FHIT: variants seen among roughly 807,000 people sequenced by gnomAD.
The protein encoded by FHIT is bis(5'-adenosyl)-triphosphatase.
Under a neutral mutation model 17.9 loss-of-function variants are expected in FHIT, and 19 were observed. That is an observed-to-expected ratio of 1.06 (90% CI 0.74 to 1.56). FHIT has a LOEUF of 1.56. FHIT is among the 40% of genes most tolerant of loss of function. The pLI is 0.00. For missense variants in FHIT, 248 were observed against 189.2 expected (o/e 1.31, Z -1.82); for synonymous variants, 81 against 69.7 (o/e 1.16, Z -0.81).
chr3:60,929,124 T>C (rs1358945465), intron 3 of FHIT, among the ~76,000 whole-genome samples: 1 of 152,188 alleles, frequency 6.6e-6, no homozygotes, highest in Non-Finnish European at 1.5e-5. Context: ...CACATGATTA[T>C]CTCAATAGAT....
chr3:60,321,517 T>C (rs1240876348), intron 5 of FHIT, among the ~76,000 whole-genome samples: 1 of 152,130 alleles, frequency 6.6e-6, no homozygotes, highest in Non-Finnish European at 1.5e-5. Flanking sequence ...AAAGGTTATC[T>C]TCACTTAAGA....
chr3:60,009,229 G>GCA (rs1559544971), intron 7 of FHIT, among the ~76,000 whole-genome samples: 9 of 124,958 alleles, frequency 7.2e-5, no homozygotes, highest in African/African-American at 3.1e-4. Flanking sequence ...GTGTGTGTGT[G>GCA]TATGGTGGTT....
intron 4 of FHIT, among the ~76,000 whole-genome samples, chr3:60,625,239 G>A (rs1451550950): frequency 1.3e-5 from 2 of 152,168 alleles, no homozygotes; most frequent in African/African-American, 2.4e-5. Context: ...ATTTAATGTT[G>A]CTATGAACAT....
intron 2 of FHIT, among the ~76,000 whole-genome samples, chr3:61,119,757 T>C (rs547224661): frequency 1.1e-4 from 17 of 152,342 alleles, no homozygotes; most frequent in Admixed American, 3.3e-4. Flanking sequence ...CTCTCTCTTA[T>C]GGAGCAGGGA....
intron 5 of FHIT, among the ~76,000 whole-genome samples, chr3:60,109,432 C>T (rs1028057097): frequency 4.1e-5 from 6 of 147,448 alleles, no homozygotes; most frequent in Non-Finnish European, 5.9e-5. Flanking sequence ...TCTTAGGGAA[C>T]GGAAAAAAAA....
chr3:60,718,786 A>G (rs1272922772), intron 4 of FHIT, among the ~76,000 whole-genome samples: 3 of 152,250 alleles, frequency 2.0e-5, no homozygotes, highest in Non-Finnish European at 4.4e-5. Flanking sequence ...CTCATGAGTT[A>G]TATAGAATTA....
intron 5 of FHIT, among the ~76,000 whole-genome samples, chr3:60,073,669 CG>C (rs534075755): frequency 5.7e-4 from 87 of 152,184 alleles, no homozygotes; most frequent in African/African-American, 2.0e-3. Flanking sequence ...CATGATCTAC[CG>C]AAGTCACCCT....
intron 5 of FHIT, among the ~76,000 whole-genome samples, chr3:60,488,408 A>G (rs1019946594): frequency 6.6e-6 from 1 of 152,170 alleles, no homozygotes; most frequent in East Asian, 1.9e-4. Context: ...CTTGTATCTG[A>G]TTCCAAGTAA....
intron 3 of FHIT, among the ~76,000 whole-genome samples, chr3:60,873,698 C>T (rs1704519402): frequency 1.3e-5 from 2 of 152,190 alleles, no homozygotes; most frequent in African/African-American, 4.8e-5. Flanking sequence ...TGGCTGATAG[C>T]TGTAAAGTCC....
chr3:60,013,858 T>G, intron 6 of FHIT, 149 bp downstream of exon 6: 3 of 749,566 alleles, frequency 4.0e-6, no homozygotes, highest in Non-Finnish European at 6.6e-6. Context: ...GACAGTAGGG[T>G]TGCCCTGCAT....
At chr3:59,855,786 G>GC (rs1702129339) in intron 8 of FHIT, among the ~76,000 whole-genome samples, 1 of 144,612 alleles carries the variant, frequency 6.9e-6, no homozygotes, top group Non-Finnish European at 1.5e-5. Flanking sequence ...ACCTTTTTTT[G>GC]TTTTTTTTTT....
At chr3:60,642,459 A>G (rs370916545) in intron 4 of FHIT, among the ~76,000 whole-genome samples, 37 of 152,212 alleles carry the variant, frequency 2.4e-4, no homozygotes, top group Middle Eastern at 6.8e-3. Context: ...ACAATGAATG[A>G]TAACAGATTC....
chr3:60,261,393 G>T (rs10510835), intron 5 of FHIT, among the ~76,000 whole-genome samples: 26,158 of 151,882 alleles, frequency 0.17, 2,749 homozygotes, highest in Middle Eastern at 0.29. Flanking sequence ...TTTCAGAGAC[G>T]GTGAGTATTA....
chr3:60,484,385 A>C (rs1353117889), intron 5 of FHIT, among the ~76,000 whole-genome samples: 4 of 152,198 alleles, frequency 2.6e-5, no homozygotes, highest in Non-Finnish European at 5.9e-5. Flanking sequence ...AAAAAGAATA[A>C]AGCTGGAGGT....
chr3:60,111,271 C>A (rs186245357), intron 5 of FHIT, among the ~76,000 whole-genome samples: 2 of 152,176 alleles, frequency 1.3e-5, no homozygotes, highest in Non-Finnish European at 2.9e-5. Context: ...TATAAGGATA[C>A]AGTCCTGTAT....
chr3:61,216,218 C>G (rs145327770), intron 1 of FHIT, among the ~76,000 whole-genome samples: 67 of 152,104 alleles, frequency 4.4e-4, no homozygotes, highest in African/African-American at 1.2e-3. Flanking sequence ...CCTACAGAAT[C>G]GGAGAAAATG....
intron 5 of FHIT, among the ~76,000 whole-genome samples, chr3:60,516,535 C>A (rs1484321720): frequency 6.6e-6 from 1 of 152,136 alleles, no homozygotes; most frequent in Admixed American, 6.5e-5. Context: ...AGTTAGACCA[C>A]CTGGATTTGA....
At chr3:60,091,344 A>G (rs1308747867) in intron 5 of FHIT, among the ~76,000 whole-genome samples, 2 of 152,226 alleles carry the variant, frequency 1.3e-5, no homozygotes. Flanking sequence ...ACAAGAAAGT[A>G]AAAGACTTTC....
chr3:60,203,175 G>T (rs1702995532), intron 5 of FHIT, among the ~76,000 whole-genome samples: 1 of 152,132 alleles, frequency 6.6e-6, no homozygotes, highest in African/African-American at 2.4e-5. Context: ...TGCATGAAGT[G>T]TGTGTGAGTC....
Sources: gnomAD v4.1 joint callset for allele counts (sites outside exome capture counted in the v4.1 genomes callset) on GRCh38, gnomAD v4.1.1 for gene constraint, MANE v1.5 for transcripts, NCBI Gene and HGNC (gene_info 2026-07-23, HGNC 2026-07-21) for gene names.